The following OXR1 variants were observed in gnomAD, a reference collection of about 807,000 sequenced individuals.
OXR1 encodes the protein oxidation resistance protein 1.
A neutral mutation model predicts 104.6 loss-of-function variants in OXR1; 41 were observed. The ratio of observed to expected loss-of-function variants is 0.39; its 90% confidence interval spans 0.31 to 0.51. OXR1 has a LOEUF of 0.51. Ranked by LOEUF, OXR1 falls within the 20% of genes least tolerant of loss-of-function variation. The pLI, the probability that OXR1 is intolerant of heterozygous loss-of-function variation, is 0.77. For missense variants in OXR1, 955 were observed against 1,031.9 expected (o/e 0.93, Z 1.02); for synonymous variants, 348 against 348.4 (o/e 1.00, Z 0.01).
chr8:106,344,538 C>G (rs1815398075), intron 1 of OXR1, among the ~76,000 whole-genome samples: 2 of 152,090 alleles, frequency 1.3e-5, no homozygotes, highest in African/African-American at 4.8e-5. Context: ...GGGGTTTCAC[C>G]ATTTTAGCCA....
rs148304649 is a variant in OXR1, at chr8:106,683,203, A to G, written c.308A>G (p.Glu103Gly). Reference sequence around the variant, plus strand: ...TTTATTTTTTCTTTTAAACAGGTTGAATCAAGGGATTCTTTGAATAGCATA... The same window carrying G: ...TTTATTTTTTCTTTTAAACAGGTTGGATCAAGGGATTCTTTGAATAGCATA... ...KPKGTIEYTV[E>G]SRDSLNSIAL... The change falls in exon 5 of 17, where the codon GAA becomes GGA. Residue 103 changes from glutamate (E) to glycine (G), a missense_variant. Coordinates refer to ENST00000517566, the MANE Select transcript of OXR1 (RefSeq NM_001198533.2). 26 of 1,514,844 alleles carry G rather than the reference A, an allele frequency of 1.7e-5. No homozygotes were observed. The highest frequency in any genetic ancestry group is 2.4e-5 in the Non-Finnish European group (26 of 1,093,978). The allele number at this position is 1,514,844 out of a possible 1,614,324, so 93.8% of individuals were successfully genotyped here.
chr8:106,743,017 T>C (rs1037860300), intron 15 of OXR1, among the ~76,000 whole-genome samples: 13 of 152,030 alleles, frequency 8.6e-5, no homozygotes, highest in African/African-American at 2.9e-4. Flanking sequence ...GCCTACAGAA[T>C]AGGAGAAAAT....
At chr8:106,632,415 T>C (rs1822765791) in intron 3 of OXR1, among the ~76,000 whole-genome samples, 1 of 152,244 alleles carries the variant, frequency 6.6e-6, no homozygotes, top group Admixed American at 6.5e-5. Flanking sequence ...TTTCATCTAA[T>C]TCATTTTTAT....
Position 106,590,031 on chromosome 8 carries a change from T to C in OXR1, c.220+70892T>C, listed in dbSNP as rs566165458. ...GAAGATAAAGCAGGAAATAATCTTCTCTGAAGATACTTGATAAAAATTCCC... is the reference window on the plus strand; with the variant it reads ...GAAGATAAAGCAGGAAATAATCTTCCCTGAAGATACTTGATAAAAATTCCC... On this transcript the variant is annotated intron_variant, in intron 3 of 16. Transcript: ENST00000517566. Among the ~76,000 whole-genome samples the C allele has an allele frequency of 8.5e-5, 13 of 152,238 alleles. 1 individual carries two copies. The Middle Eastern group carries it at 0.02, about 239-fold the overall frequency.
intron 3 of OXR1, among the ~76,000 whole-genome samples, chr8:106,678,822 T>G (rs963244810): frequency 1.3e-5 from 2 of 152,078 alleles, no homozygotes; most frequent in African/African-American, 4.8e-5. Context: ...TTACAATTTC[T>G]TATTTGGAAA....
At chr8:106,412,531 C>G (rs957082067) in intron 2 of OXR1, among the ~76,000 whole-genome samples, 2 of 152,156 alleles carry the variant, frequency 1.3e-5, no homozygotes, top group African/African-American at 4.8e-5. Context: ...GTATTCTTAT[C>G]AATTTTCAGA....
chr8:106,355,490 T>G (rs1815927546), intron 1 of OXR1, among the ~76,000 whole-genome samples: 1 of 152,134 alleles, frequency 6.6e-6, no homozygotes, highest in South Asian at 2.1e-4. Flanking sequence ...CTTTTTAATT[T>G]TTTTCAACTC....
At chr8:106,526,610 T>C (rs989319796) in intron 3 of OXR1, among the ~76,000 whole-genome samples, 2 of 152,260 alleles carry the variant, frequency 1.3e-5, no homozygotes, top group Non-Finnish European at 1.5e-5. Context: ...TGGCGCAATC[T>C]CGGCTCGCTG....
chr8:106,684,369 T>G lies in OXR1; in HGVS notation c.525+10T>G. The G allele has an allele frequency of 1.5e-6, 2 of 1,330,270 alleles. No individual in the cohort carries two copies. Among genetic ancestry groups the G allele is most frequent in the Non-Finnish European group, 2.2e-6 (2 of 922,874 alleles). 82.4% of individuals were successfully genotyped at this position (1,330,270 alleles called of 1,614,324 possible). A position where few individuals can be genotyped will look rare whatever the true frequency, so the allele number is the denominator to read the frequency against. On this transcript the variant is annotated intron_variant, in intron 6 of 16. Coordinates refer to ENST00000517566, the MANE Select transcript of OXR1 (RefSeq NM_001198533.2). ...ATTTGATAAGACCACTGTAAGTATC[T>G]CTGCTTTGCAAAGATGGCGATGAAG...
chr8:106,473,135 T>C (rs1821607395), intron 2 of OXR1, among the ~76,000 whole-genome samples: 2 of 151,856 alleles, frequency 1.3e-5, no homozygotes, highest in Admixed American at 1.3e-4. Flanking sequence ...CTGAATGGGG[T>C]AAGTGGATTC....
At chr8:106,720,218 C>T (rs748359333) in intron 11 of OXR1, among the ~76,000 whole-genome samples, 5 of 152,196 alleles carry the variant, frequency 3.3e-5, no homozygotes, top group Non-Finnish European at 5.9e-5. Context: ...TTTGGCGGAA[C>T]CTTTGCATCA....
At chr8:106,703,399 C>T (rs1830755104) in intron 8 of OXR1, among the ~76,000 whole-genome samples, 2 of 152,130 alleles carry the variant, frequency 1.3e-5, no homozygotes, top group Non-Finnish European at 2.9e-5. Flanking sequence ...TTCTAAATTA[C>T]CCCTGTGAGC....
At chr8:106,710,184 T>G (rs1433398387) in intron 9 of OXR1, among the ~76,000 whole-genome samples, 1 of 152,130 alleles carries the variant, frequency 6.6e-6, no homozygotes, top group Non-Finnish European at 1.5e-5. Flanking sequence ...CATTAGAAAC[T>G]TCATTAAATT....
At chr8:106,748,968 C>A (rs1587331957) in intron 16 of OXR1, among the ~76,000 whole-genome samples, 1 of 152,194 alleles carries the variant, frequency 6.6e-6, no homozygotes, top group East Asian at 1.9e-4. Context: ...AATTAATATA[C>A]ATTATATATT....
chr8:106,494,113 C>T (rs552528862), intron 2 of OXR1, among the ~76,000 whole-genome samples: 16 of 152,114 alleles, frequency 1.1e-4, no homozygotes, highest in African/African-American at 2.9e-4. Context: ...ATGAGTCAAC[C>T]GAGGACAGAG....
intron 3 of OXR1, among the ~76,000 whole-genome samples, chr8:106,538,413 A>C (rs1814707726): frequency 6.6e-6 from 1 of 152,172 alleles, no homozygotes; most frequent in Admixed American, 6.5e-5. Context: ...TTGTTTATGA[A>C]AACATGTTCG....
At chr8:106,489,584 T>C (rs925279835) in intron 2 of OXR1, among the ~76,000 whole-genome samples, 4 of 152,156 alleles carry the variant, frequency 2.6e-5, no homozygotes, top group African/African-American at 9.7e-5. Context: ...GAGGACTGTA[T>C]TGATATGTTT....
At chr8:106,327,016 A>G (rs1468789741) in intron 1 of OXR1, among the ~76,000 whole-genome samples, 2 of 152,212 alleles carry the variant, frequency 1.3e-5, no homozygotes, top group Non-Finnish European at 2.9e-5. Flanking sequence ...AAATACATAT[A>G]TAATCATTTT....
At chr8:106,467,424 A>G (rs920047045) in intron 2 of OXR1, among the ~76,000 whole-genome samples, 1 of 151,838 alleles carries the variant, frequency 6.6e-6, no homozygotes, top group Admixed American at 6.6e-5. Flanking sequence ...TTAGCCTGTC[A>G]CTGCTTCATG....
Sources: allele counts gnomAD v4.1 joint callset (sites outside exome capture counted in the v4.1 genomes callset), GRCh38; gene constraint gnomAD v4.1.1; transcripts MANE v1.5; gene names NCBI Gene and HGNC (gene_info 2026-07-23, HGNC 2026-07-21).